ABCC3: variants seen among roughly 807,000 people sequenced by gnomAD.
The protein encoded by ABCC3 is ATP binding cassette subfamily C member 3.
A neutral mutation model predicts 165.3 loss-of-function variants in ABCC3; 121 were observed. The ratio of observed to expected loss-of-function variants is 0.73; its 90% CI spans 0.63 to 0.85. The LOEUF is 0.85. ABCC3 is among the 40% of genes least tolerant of loss of function. ABCC3 has a pLI of 0.00. For synonymous variants in ABCC3, 733 were observed against 810.1 expected (o/e 0.90, Z 1.62); for missense variants, 1,869 against 1,964.1 (o/e 0.95, Z 0.92).
At position 50,673,306 on chromosome 17, in the gene ABCC3, C is replaced by A. The variant is rs930362357; in HGVS notation, c.2410-163C>A. On this transcript the variant is annotated intron_variant, in intron 18 of 30. Coordinates refer to ENST00000285238, the MANE Select transcript of ABCC3 (RefSeq NM_003786.4). ...CCTGTGGGGACAACTCCCCCACCTGCGAGGTTCTGAGCAGGCTGTGGCGAG... is the reference window on the plus strand; with the variant it reads ...CCTGTGGGGACAACTCCCCCACCTGAGAGGTTCTGAGCAGGCTGTGGCGAG... 3.3e-6 allele frequency: 4 copies of A among 1,226,760 alleles called. No homozygotes were observed. In the African/African-American group the frequency reaches 6.0e-5, roughly 18 times the overall value. The allele number at this position is 1,226,760 out of a possible 1,614,324, so 76.0% of individuals were successfully genotyped here. A position where few individuals can be genotyped will look rare whatever the true frequency, so the allele number is the denominator to read the frequency against.
In ABCC3 at chr17:50,635,068, C is replaced by T. The variant is rs927715550; in HGVS notation, c.45+87C>T. On this transcript the variant is annotated intron_variant, in intron 1 of 30. Transcript: ENST00000285238. ...CCCGCCGCCTGCCTTCCCGCGGGGC[C>T]GGCAGGTATCCCGGGACGGAGCCCC... 8.2e-6 allele frequency: 10 copies of T among 1,221,726 alleles called. No individual in the cohort carries two copies. In the African/African-American group the frequency reaches 1.6e-4, roughly 19 times the overall value. The allele number at this position is 1,221,726 out of a possible 1,614,324, so 75.7% of individuals were successfully genotyped here. A position where few individuals can be genotyped will look rare whatever the true frequency, so the allele number is the denominator to read the frequency against.
At chr17:50,658,303 GGA>G in intron 5 of ABCC3, 96 bp downstream of exon 5, 4 of 1,595,966 alleles carry the variant, frequency 2.5e-6, no homozygotes, top group Non-Finnish European at 3.4e-6. Context: ...TTTCAAAGTG[GGA>G]GAGAGGTCAT....
chr17:50,637,996 A>T (rs776609499), intron 1 of ABCC3, among the ~76,000 whole-genome samples: 1 of 152,214 alleles, frequency 6.6e-6, no homozygotes, highest in Non-Finnish European at 1.5e-5. Flanking sequence ...GTACTCACAC[A>T]CCACCTGCCA....
intron 17 of ABCC3, among the ~76,000 whole-genome samples, chr17:50,670,226 G>A (rs1485489613): frequency 3.3e-5 from 5 of 152,042 alleles, no homozygotes; most frequent in South Asian, 2.1e-4. Context: ...GGGATTACGG[G>A]TGCGCACCAC....
intron 29 of ABCC3, chr17:50,687,284 G>T: frequency 2.1e-6 from 1 of 471,714 alleles, no homozygotes; most frequent in Non-Finnish European, 3.8e-6. Context: ...CGAGAGAGGA[G>T]GCCAAGGGTG....
At chr17:50,672,848 G>T (rs1967676736) in intron 17 of ABCC3, 123 bp from the exon 18 acceptor site, 1 of 829,234 alleles carries the variant, frequency 1.2e-6, no homozygotes, top group Non-Finnish European at 1.8e-6. Context: ...CTCCAGCCTG[G>T]GTGAGTGAGA....
chr17:50,676,894 G>T (rs995119439), intron 23 of ABCC3, among the ~76,000 whole-genome samples: 10 of 150,848 alleles, frequency 6.6e-5, no homozygotes, highest in African/African-American at 1.5e-4. Context: ...TTTGGGGGGG[G>T]GGGGACGGAA....
At chr17:50,684,979 G>A (rs1353394382) in intron 29 of ABCC3, 104 bp downstream of exon 29, 48 of 1,301,070 alleles carry the variant, frequency 3.7e-5, no homozygotes, top group South Asian at 1.8e-4. Flanking sequence ...AGGCCAGCCC[G>A]GATGTGCACA....
At position 50,657,201 on chromosome 17, in the gene ABCC3, G is replaced by C. The variant is rs1414111479; in HGVS notation, c.486+18G>C. 6.2e-7 allele frequency: 1 copy of C among 1,611,932 alleles called. No individual in the cohort carries two copies. Among genetic ancestry groups the C allele is most frequent in the Non-Finnish European group, 8.5e-7 (1 of 1,178,886 alleles). On this transcript the variant is annotated intron_variant, in intron 4 of 30. Coordinates refer to ENST00000285238, the MANE Select transcript of ABCC3 (RefSeq NM_003786.4). ...AGGCAGAGGTAAGGTTGGGGGAGAG[G>C]GGAACCTGCCAGGTTTAGCCCTGAT... is the stretch of plus-strand genomic sequence containing the variant.
At chr17:50,665,071 G>A in intron 10 of ABCC3, 82 bp from the exon 11 acceptor site, 1 of 1,202,604 alleles carries the variant, frequency 8.3e-7, no homozygotes, top group East Asian at 2.3e-5. Flanking sequence ...AAGTTAACAG[G>A]CCTCTGTTTG....
intron 29 of ABCC3, 108 bp downstream of exon 29, chr17:50,684,983 G>A (rs1967998006): frequency 6.3e-6 from 8 of 1,265,732 alleles, no homozygotes; most frequent in Non-Finnish European, 8.7e-6. Flanking sequence ...CAGCCCGGAT[G>A]TGCACAGGGC....
At chr17:50,644,330 A>AAAAAG in intron 1 of ABCC3, among the ~76,000 whole-genome samples, 1 of 148,970 alleles carries the variant, frequency 6.7e-6, no homozygotes, top group African/African-American at 2.5e-5. Context: ...AAAAAAAAAA[A>AAAAAG]AAGGAAGAAG....
At chr17:50,675,836 G>T in intron 21 of ABCC3, 47 bp from the exon 22 acceptor site, 1 of 1,607,634 alleles carries the variant, frequency 6.2e-7, no homozygotes, top group Non-Finnish European at 8.5e-7. Context: ...GCAGCCCCAG[G>T]GTTTATGGAG....
Position 50,659,363 on chromosome 17 carries a change from G to C in ABCC3, c.801G>C (p.Thr267=). ...LEAWRKQEKQ[T]ARHKASAAPG... is the part of the protein sequence containing the mutation. ...CATGGAGGAAGCAGGAAAAGCAGAC[G>C]GCACGGTGAGGCCCTCCCCTTGCCC... Residue 267 remains threonine (T), a synonymous_variant, in exon 7 of 31, where the codon ACG becomes ACC. Coordinates refer to ENST00000285238, the MANE Select transcript of ABCC3 (RefSeq NM_003786.4). The C allele has an allele frequency of 1.2e-6, 2 of 1,607,668 alleles. No individual in the cohort carries two copies. Among genetic ancestry groups the C allele is most frequent in the Non-Finnish European group, 8.5e-7 (1 of 1,175,226 alleles).
chr17:50,663,073 AGTGGCAAGGAGTTTGTGG>A (rs2146614183), intron 8 of ABCC3: 1 of 138,022 alleles, frequency 7.2e-6, no homozygotes, highest in African/African-American at 2.6e-5. Flanking sequence ...GCAGTTTGTG[AGTGGCAAGGAGTTTGTGG>A]GTGGCAGGGA....
rs1389588121 is a variant in ABCC3, at chr17:50,661,020, GC to G, written c.907del (p.Leu303CysfsTer33). The G allele has an allele frequency of 6.2e-7, 1 of 1,614,156 alleles. No individual in the cohort carries two copies. Among genetic ancestry groups the G allele is most frequent in the East Asian group, 2.2e-5 (1 of 44,876 alleles). ...PRPRKPSFLK[A>X]LLATFGSSFL... ...GCCCCGGAAGCCCTCCTTCCTGAAG[GC>G]CCTGCTGGCCACCTTCGGCTCCAGC... On this transcript the variant is annotated frameshift_variant, in exon 8 of 31. Transcript: ENST00000285238. LOFTEE classifies it high-confidence loss of function.
chr17:50,645,669 T>C (rs1966991383), intron 1 of ABCC3, among the ~76,000 whole-genome samples: 1 of 152,134 alleles, frequency 6.6e-6, no homozygotes. Flanking sequence ...GGCATAATCA[T>C]GGCTCACTGC....
chr17:50,673,277 GA>G, intron 18 of ABCC3, 139 bp downstream of exon 18: 1 of 1,278,314 alleles, frequency 7.8e-7, no homozygotes, highest in Non-Finnish European at 1.1e-6. Flanking sequence ...GGCATCAGGA[GA>G]AACCTGTGGG....
intron 13 of ABCC3, 99 bp from the exon 14 acceptor site, chr17:50,668,331 G>A: frequency 9.7e-7 from 1 of 1,030,542 alleles, no homozygotes; most frequent in East Asian, 2.4e-5. Flanking sequence ...TGGGCCCTCA[G>A]GGGGTCCTGC....
Sources: gnomAD v4.1 joint callset for allele counts (sites outside exome capture counted in the v4.1 genomes callset) on GRCh38, gnomAD v4.1.1 for gene constraint, MANE v1.5 for transcripts, NCBI Gene and HGNC (gene_info 2026-07-23, HGNC 2026-07-21) for gene names.